RALYL: variants seen among roughly 807,000 people sequenced by gnomAD.
RALYL encodes RNA-binding Raly-like protein.
Under a neutral mutation model 35.1 loss-of-function variants are expected in RALYL, and 29 were observed. The observed-to-expected ratio is 0.83, with a 90% confidence interval of 0.61 to 1.13. RALYL has a LOEUF of 1.13. Among genes scored for constraint, RALYL ranks in the 50% most tolerant of loss-of-function variants. The pLI, the probability that RALYL is intolerant of heterozygous loss-of-function variation, is 0.00. For synonymous variants in RALYL, 120 were observed against 127.6 expected, an observed-to-expected ratio of 0.94 and a Z score of 0.40; for missense variants, 359 against 360.4, an observed-to-expected ratio of 1.00 and a Z score of 0.03.
chr8:84,871,535 T>G (rs1381588863), intron 6 of RALYL, among the ~76,000 whole-genome samples: 1 of 152,212 alleles, frequency 6.6e-6, no homozygotes, highest in Non-Finnish European at 1.5e-5. Flanking sequence ...TGAGTACCAC[T>G]CTTCAAAGCA....
intron 1 of RALYL, among the ~76,000 whole-genome samples, chr8:84,372,352 T>C (rs1037965730): frequency 2.0e-5 from 3 of 152,032 alleles, no homozygotes; most frequent in African/African-American, 7.2e-5. Flanking sequence ...AGCGTTCTCC[T>C]AGCATTGCTT....
intron 6 of RALYL, among the ~76,000 whole-genome samples, chr8:84,871,432 T>TCTC (rs1415502891): frequency 1.3e-5 from 2 of 152,200 alleles, no homozygotes; most frequent in Non-Finnish European, 2.9e-5. Context: ...CCTATTTATT[T>TCTC]CTCCTGCATT....
chr8:84,544,605 C>T (rs1478786172), intron 2 of RALYL, among the ~76,000 whole-genome samples: 1 of 151,966 alleles, frequency 6.6e-6, no homozygotes, highest in Admixed American at 6.6e-5. Context: ...AGTTACACTG[C>T]AGAAAATAAC....
chr8:84,342,296 A>ATATATATATATATATAT (rs1554626164), intron 1 of RALYL, among the ~76,000 whole-genome samples: 57 of 119,044 alleles, frequency 4.8e-4, no homozygotes, highest in Non-Finnish European at 6.4e-4. Context: ...ATATATATAT[A>ATATATATATATATATAT]AAACTCAAAA....
At chr8:84,269,312 G>A (rs1391486958) in intron 1 of RALYL, among the ~76,000 whole-genome samples, 1 of 152,108 alleles carries the variant, frequency 6.6e-6, no homozygotes, top group African/African-American at 2.4e-5. Flanking sequence ...CACACTGAAT[G>A]CTTTAGTAAG....
At chr8:84,542,041 G>A (rs1045428404) in intron 2 of RALYL, among the ~76,000 whole-genome samples, 5 of 151,578 alleles carry the variant, frequency 3.3e-5, no homozygotes, top group South Asian at 2.1e-4. Flanking sequence ...ATTTAATTGC[G>A]GTTATATTTG....
intron 1 of RALYL, among the ~76,000 whole-genome samples, chr8:84,237,201 A>T (rs1030136726): frequency 6.6e-6 from 1 of 152,194 alleles, no homozygotes; most frequent in African/African-American, 2.4e-5. Context: ...CAGTGTAGGC[A>T]GAGAGAGAAG....
At chr8:84,823,330 G>A (rs1039146999) in intron 4 of RALYL, among the ~76,000 whole-genome samples, 2 of 152,078 alleles carry the variant, frequency 1.3e-5, no homozygotes, top group Non-Finnish European at 2.9e-5. Context: ...GGCATTGCTT[G>A]GGAATTCTAA....
At chr8:84,861,832 T>C (rs183720439) in intron 5 of RALYL, among the ~76,000 whole-genome samples, 1 of 152,362 alleles carries the variant, frequency 6.6e-6, no homozygotes, top group East Asian at 1.9e-4. Flanking sequence ...GTTTACTGTT[T>C]GAACAGTAAT....
intron 1 of RALYL, among the ~76,000 whole-genome samples, chr8:84,323,953 C>T (rs941873470): frequency 3.3e-5 from 5 of 151,960 alleles, no homozygotes; most frequent in African/African-American, 1.2e-4. Flanking sequence ...TATAATTATC[C>T]TTTAAATGTT....
chr8:84,193,800 G>T (rs1285435583), intron 1 of RALYL, among the ~76,000 whole-genome samples: 1 of 152,156 alleles, frequency 6.6e-6, no homozygotes, highest in Non-Finnish European at 1.5e-5. Context: ...ATCTGAATGG[G>T]TTAAGGAAAC....
intron 1 of RALYL, among the ~76,000 whole-genome samples, chr8:84,524,670 A>G (rs1420833837): frequency 1.3e-5 from 2 of 152,064 alleles, no homozygotes; most frequent in African/African-American, 4.8e-5. Context: ...TAATAAATGT[A>G]TCATATATGG....
chr8:84,209,899 G>A (rs2217976), intron 1 of RALYL, among the ~76,000 whole-genome samples: 3 of 152,066 alleles, frequency 2.0e-5, no homozygotes, highest in East Asian at 3.9e-4. Flanking sequence ...TATTTGCTCA[G>A]GATACTGCTT....
At chr8:84,794,892 T>C (rs1697729018) in intron 3 of RALYL, among the ~76,000 whole-genome samples, 1 of 152,236 alleles carries the variant, frequency 6.6e-6, no homozygotes, top group East Asian at 1.9e-4. Flanking sequence ...AGATGAGCCC[T>C]GCAGCCTTAA....
chr8:84,647,220 A>C (rs188975402), intron 2 of RALYL, among the ~76,000 whole-genome samples: 1 of 152,190 alleles, frequency 6.6e-6, no homozygotes, highest in East Asian at 1.9e-4. Flanking sequence ...AAAGGATTAG[A>C]AAGTTGTGCA....
intron 1 of RALYL, among the ~76,000 whole-genome samples, chr8:84,264,114 C>T (rs1392866625): frequency 6.6e-6 from 1 of 152,114 alleles, no homozygotes; most frequent in East Asian, 1.9e-4. Context: ...ATTTATATTC[C>T]TTTGGGTATG....
chr8:84,685,858 T>G (rs1295225389), intron 2 of RALYL, among the ~76,000 whole-genome samples: 1 of 152,066 alleles, frequency 6.6e-6, no homozygotes, highest in Non-Finnish European at 1.5e-5. Context: ...CTTTTGGAAG[T>G]GAGTATTAAA....
At chr8:84,492,564 A>C (rs1587747415) in intron 1 of RALYL, among the ~76,000 whole-genome samples, 2 of 152,112 alleles carry the variant, frequency 1.3e-5, no homozygotes, top group African/African-American at 2.4e-5. Flanking sequence ...TGCACTCATC[A>C]AACTGAATAT....
intron 3 of RALYL, among the ~76,000 whole-genome samples, chr8:84,774,976 GTCTC>G (rs372577425): frequency 5.9e-5 from 9 of 152,066 alleles, no homozygotes; most frequent in African/African-American, 2.2e-4. Context: ...TTGAGATGGA[GTCTC>G]TCTCTGTTGC....
Sources: gnomAD v4.1 joint callset for allele counts (sites outside exome capture counted in the v4.1 genomes callset) on GRCh38, gnomAD v4.1.1 for gene constraint, MANE v1.5 for transcripts, NCBI Gene and HGNC (gene_info 2026-07-23, HGNC 2026-07-21) for gene names.